Variants in RERG observed in about 807,000 individuals in gnomAD.
The protein encoded by RERG is RAS like estrogen regulated growth inhibitor, also known as ras-related and estrogen-regulated growth inhibitor.
In RERG, 25 loss-of-function variants were observed where a neutral mutation model predicts 23.2. That is an observed-to-expected ratio of 1.08 (90% CI 0.79 to 1.50). The LOEUF is 1.50. Among genes scored for constraint, RERG ranks in the 40% most tolerant of loss-of-function variants. The probability of loss-of-function intolerance (pLI) is 0.00; values close to 1 mark genes in which losing one functional copy is unlikely to be tolerated. For synonymous variants in RERG, 81 were observed against 89.1 expected (o/e 0.91, Z 0.51); for missense variants, 253 against 250.1 (o/e 1.01, Z -0.08).
intron 2 of RERG, among the ~76,000 whole-genome samples, chr12:15,211,930 A>G (rs1173122984): frequency 6.6e-6 from 1 of 151,796 alleles, no homozygotes; most frequent in Admixed American, 6.6e-5. Context: ...ACTGAGATAC[A>G]GGGTTGTTGT....
At chr12:15,200,469 G>A (rs1339884770) in intron 2 of RERG, among the ~76,000 whole-genome samples, 2 of 151,936 alleles carry the variant, frequency 1.3e-5, no homozygotes, top group Admixed American at 6.6e-5. Context: ...AAGCATCATC[G>A]TTTTTAACAA....
At chr12:15,182,652 A>G (rs1422195301) in intron 2 of RERG, among the ~76,000 whole-genome samples, 4 of 152,244 alleles carry the variant, frequency 2.6e-5, no homozygotes, top group Non-Finnish European at 4.4e-5. Flanking sequence ...TGCTTTCTAC[A>G]TATTCATGTT....
chr12:15,199,175 C>A (rs1865184911), intron 2 of RERG, among the ~76,000 whole-genome samples: 1 of 152,102 alleles, frequency 6.6e-6, no homozygotes, highest in South Asian at 2.1e-4. Flanking sequence ...GCTCAAAAAT[C>A]CTATATCTCA....
At chr12:15,123,068 A>G (rs1368034414) in intron 2 of RERG, among the ~76,000 whole-genome samples, 2 of 152,154 alleles carry the variant, frequency 1.3e-5, no homozygotes, top group East Asian at 1.9e-4. Context: ...AAGTGCTGGA[A>G]TTACAGGCGT....
At chr12:15,110,463 C>CTTTTTTTT (rs869218147) in intron 4 of RERG, among the ~76,000 whole-genome samples, 856 of 73,112 alleles carry the variant, frequency 0.012, 184 homozygotes, top group Non-Finnish European at 0.014. Flanking sequence ...CCATTTTTTT[C>CTTTTTTTT]TTTTTTTTTT....
At chr12:15,132,595 G>T (rs1565513235) in intron 2 of RERG, among the ~76,000 whole-genome samples, 1 of 152,140 alleles carries the variant, frequency 6.6e-6, no homozygotes, top group Non-Finnish European at 1.5e-5. Context: ...ACTTTGTTTA[G>T]CTTTGTAAGA....
chr12:15,208,014 T>G (rs961065923), intron 2 of RERG, among the ~76,000 whole-genome samples: 4 of 152,154 alleles, frequency 2.6e-5, no homozygotes, highest in Non-Finnish European at 5.9e-5. Flanking sequence ...GTCGATGTAG[T>G]TAATATCAGT....
intron 2 of RERG, among the ~76,000 whole-genome samples, chr12:15,145,100 G>A (rs1444175471): frequency 1.3e-5 from 2 of 152,168 alleles, no homozygotes; most frequent in Non-Finnish European, 2.9e-5. Flanking sequence ...CCATTCCTAC[G>A]TTTTAACAGA....
intron 1 of RERG, among the ~76,000 whole-genome samples, chr12:15,219,558 T>C (rs554804156): frequency 1.3e-5 from 2 of 152,350 alleles, no homozygotes; most frequent in South Asian, 4.1e-4. Context: ...ATTTCCTTAT[T>C]TGTCACTTTA....
intron 2 of RERG, among the ~76,000 whole-genome samples, chr12:15,140,600 A>G (rs1455455215): frequency 6.6e-6 from 1 of 152,120 alleles, no homozygotes; most frequent in African/African-American, 2.4e-5. Flanking sequence ...TCTGCTACCG[A>G]TGAATTCTGT....
intron 2 of RERG, among the ~76,000 whole-genome samples, chr12:15,214,005 TG>T (rs1865405919): frequency 2.5e-5 from 3 of 119,652 alleles, no homozygotes; most frequent in African/African-American, 3.8e-5. Context: ...TATGTGTGTG[TG>T]TGTGTGTGTG....
chr12:15,174,272 GAT>G (rs1199647387), intron 2 of RERG, among the ~76,000 whole-genome samples: 1 of 152,040 alleles, frequency 6.6e-6, no homozygotes, highest in Non-Finnish European at 1.5e-5. Context: ...AAAAAAAATA[GAT>G]ATGTTATCCA....
chr12:15,155,112 A>G (rs574306563), intron 2 of RERG: 16 of 152,310 alleles, frequency 1.1e-4, no homozygotes, highest in Admixed American at 4.6e-4. Context: ...AAAACAAGCA[A>G]TTAAAAAAAG....
rs1468628812 is a variant in RERG, at chr12:15,107,859, T to C, written c.*1251A>G. The C allele has an allele frequency of 2.0e-5, 3 of 152,618 alleles. No homozygotes were observed. The highest frequency in any genetic ancestry group is 2.9e-5 in the Non-Finnish European group (2 of 68,002). The allele number at this position is 152,618 out of a possible 1,614,324, so 9.5% of individuals were successfully genotyped here. A position where few individuals can be genotyped will look rare whatever the true frequency, so the allele number is the denominator to read the frequency against. On this transcript the variant is annotated 3_prime_UTR_variant, in exon 5 of 5. Transcript: ENST00000256953. ...AGTTACATCAAGTTGTCCAAATGCA[T>C]TGGTGAATTAATGCCGCTAACGCTT...
intron 2 of RERG, among the ~76,000 whole-genome samples, chr12:15,201,801 T>A (rs887421332): frequency 1.3e-5 from 2 of 151,586 alleles, no homozygotes; most frequent in African/African-American, 4.8e-5. Context: ...TTTTGGTCCA[T>A]AAAAGCCCTA....
At chr12:15,132,076 G>A (rs1565513061) in intron 2 of RERG, among the ~76,000 whole-genome samples, 1 of 152,152 alleles carries the variant, frequency 6.6e-6, no homozygotes, top group Non-Finnish European at 1.5e-5. Flanking sequence ...AGCCATTAAA[G>A]TGTTATAAAC....
chr12:15,115,189 C>T (rs1041171030), intron 3 of RERG, among the ~76,000 whole-genome samples: 3 of 151,938 alleles, frequency 2.0e-5, no homozygotes, highest in South Asian at 2.1e-4. Flanking sequence ...TAATAGCTAG[C>T]GCATACTGCT....
chr12:15,160,616 G>T (rs1864590127), intron 2 of RERG, among the ~76,000 whole-genome samples: 1 of 152,072 alleles, frequency 6.6e-6, no homozygotes, highest in South Asian at 2.1e-4. Flanking sequence ...AAGAGATACT[G>T]CCACAATAAA....
intron 2 of RERG, among the ~76,000 whole-genome samples, chr12:15,183,381 G>T (rs1333309507): frequency 2.6e-5 from 4 of 152,010 alleles, no homozygotes; most frequent in Non-Finnish European, 5.9e-5. Context: ...ATTTTAAAAA[G>T]TAAATGCAAA....
Sources: gnomAD v4.1 joint callset for allele counts (sites outside exome capture counted in the v4.1 genomes callset) on GRCh38, gnomAD v4.1.1 for gene constraint, MANE v1.5 for transcripts, NCBI Gene and HGNC (gene_info 2026-07-23, HGNC 2026-07-21) for gene names.